Variants in CFAP44 observed in about 807,000 individuals in gnomAD.
The protein encoded by CFAP44 is cilia- and flagella-associated protein 44.
In CFAP44, 134 loss-of-function variants were observed where a neutral mutation model predicts 216.2. The observed-to-expected ratio is 0.62, with a 90% CI of 0.54 to 0.72. The LOEUF (loss-of-function observed/expected upper bound fraction) is 0.72. CFAP44 is among the 30% of genes least tolerant of loss of function. CFAP44 has a pLI of 0.00. For missense variants in CFAP44, 2,035 were observed against 2,182.1 expected (o/e 0.93, Z 1.34); for synonymous variants, 700 against 727.6 (o/e 0.96, Z 0.61).
Position 113,287,296 on chromosome 3 carries a change from C to T in CFAP44, c.*4261G>A, listed in dbSNP as rs192037425. ...ACACAGATGGCTGGATCCGGTGCTA[C>T]GGGAAACATTTTCCTAAGATGCCCA... On this transcript the variant is annotated 3_prime_UTR_variant, in exon 35 of 35. Transcript: ENST00000393845. 10 of 300,624 alleles carry T rather than the reference C, an allele frequency of 3.3e-5. No homozygotes were observed. In the East Asian group the frequency reaches 4.3e-4, roughly 13 times the overall value. The allele number at this position is 300,624 out of a possible 1,614,324, so 18.6% of individuals were successfully genotyped here.
intron 1 of CFAP44, among the ~76,000 whole-genome samples, chr3:113,437,469 C>A (rs905677283): frequency 6.6e-6 from 1 of 152,156 alleles, no homozygotes; most frequent in Non-Finnish European, 1.5e-5. Context: ...ACGAAAGCAC[C>A]ACACTTTATT....
At chr3:113,308,335 AG>A in intron 28 of CFAP44, 67 bp from the exon 29 acceptor site, 1 of 1,258,500 alleles carries the variant, frequency 7.9e-7, no homozygotes, top group Non-Finnish European at 1.1e-6. Flanking sequence ...AGATTTTTAA[AG>A]TAAACTATTT....
At position 113,291,450 on chromosome 3, in the gene CFAP44, TCAGGCGA is replaced by T; in HGVS notation, c.*100_*106del. 1 of 1,309,908 alleles carries T rather than the reference TCAGGCGA, an allele frequency of 7.6e-7. No individual in the cohort carries two copies. Among genetic ancestry groups the T allele is most frequent in the Non-Finnish European group, 1.0e-6 (1 of 973,006 alleles). The allele number at this position is 1,309,908 out of a possible 1,614,324, so 81.1% of individuals were successfully genotyped here. On this transcript the variant is annotated 3_prime_UTR_variant, in exon 35 of 35. Transcript: ENST00000393845. Reference sequence around the variant, plus strand: ...CGTGACTGGATCTGGTTTTACACTTTCAGGCGAGTTCAGTTTAAAGTAATAAGATTGT... The same window carrying T: ...CGTGACTGGATCTGGTTTTACACTTTGTTCAGTTTAAAGTAATAAGATTGT...
At chr3:113,427,081 G>A in intron 3 of CFAP44, 106 bp downstream of exon 3, 1 of 1,222,976 alleles carries the variant, frequency 8.2e-7, no homozygotes, top group South Asian at 1.3e-5. Context: ...CCACACATAT[G>A]TACATCCTGC....
Position 113,412,716 on chromosome 3 carries a change from T to C in CFAP44, c.674-3394A>G, listed in dbSNP as rs1049483574. Among the ~76,000 whole-genome samples, 5 of 152,338 alleles carry C rather than the reference T, an allele frequency of 3.3e-5. No individual in the cohort carries two copies. In the East Asian group the frequency reaches 5.8e-4, roughly 18 times the overall value. ...GAGGACATGATCTCATTCCTTTTTA[T>C]GGCTACATAGTATTCCATGATGTAT... On this transcript the variant is annotated intron_variant, in intron 6 of 34. Transcript: ENST00000393845.
chr3:113,361,155 T>C (rs939185404), intron 21 of CFAP44: 1 of 182,434 alleles, frequency 5.5e-6, no homozygotes, highest in Non-Finnish European at 1.2e-5. Flanking sequence ...AGTTAGCAGG[T>C]GTATGCTATT....
intron 22 of CFAP44, among the ~76,000 whole-genome samples, chr3:113,356,407 A>AT (rs1950492854): frequency 6.6e-6 from 1 of 152,158 alleles, no homozygotes; most frequent in South Asian, 2.1e-4. Context: ...AACCTAACCA[A>AT]TCTTGGAGAT....
chr3:113,349,569 C>T (rs546777014), intron 22 of CFAP44, among the ~76,000 whole-genome samples: 186 of 152,266 alleles, frequency 1.2e-3, no homozygotes, highest in Admixed American at 2.2e-3. Context: ...AAAGATTGTC[C>T]AATGAGAAAC....
intron 24 of CFAP44, 78 bp from the exon 25 acceptor site, chr3:113,333,661 T>C (rs1478540353): frequency 2.3e-6 from 3 of 1,332,554 alleles, no homozygotes; most frequent in East Asian, 5.4e-5. Context: ...TATAGGCATA[T>C]ATTCAAATTT....
chr3:113,360,617 A>T (rs1950529964), intron 21 of CFAP44: 1 of 157,362 alleles, frequency 6.4e-6, no homozygotes, highest in Non-Finnish European at 1.4e-5. Context: ...ATATGTTCCA[A>T]GTCTATGGAA....
chr3:113,350,355 T>TGA (rs1950431977), intron 22 of CFAP44, among the ~76,000 whole-genome samples: 1 of 113,854 alleles, frequency 8.8e-6, no homozygotes, highest in South Asian at 2.8e-4. Flanking sequence ...AAAGAGAGAG[T>TGA]CAGAGAGAGA....
intron 22 of CFAP44, among the ~76,000 whole-genome samples, chr3:113,355,006 C>A (rs1257401353): frequency 6.6e-6 from 1 of 152,162 alleles, no homozygotes; most frequent in East Asian, 1.9e-4. Context: ...GATCACATCA[C>A]AAGACTCTTT....
At chr3:113,404,184 C>A in intron 8 of CFAP44, 168 bp from the exon 9 acceptor site, 1 of 702,994 alleles carries the variant, frequency 1.4e-6, no homozygotes. Context: ...ACCCCAGACA[C>A]AACTACCAAT....
intron 32 of CFAP44, among the ~76,000 whole-genome samples, chr3:113,301,246 G>C (rs1257518319): frequency 6.6e-6 from 1 of 152,030 alleles, no homozygotes; most frequent in Non-Finnish European, 1.5e-5. Context: ...GGCTACATAT[G>C]ATGTAATATT....
At chr3:113,407,632 G>T (rs1444682017) in intron 7 of CFAP44, among the ~76,000 whole-genome samples, 1 of 152,128 alleles carries the variant, frequency 6.6e-6, no homozygotes, top group East Asian at 1.9e-4. Context: ...TCATAGAATT[G>T]TTGAAAAATT....
At chr3:113,374,790 C>T (rs1258357346) in intron 17 of CFAP44, among the ~76,000 whole-genome samples, 1 of 152,096 alleles carries the variant, frequency 6.6e-6, no homozygotes, top group Non-Finnish European at 1.5e-5. Context: ...TTGAGCCACT[C>T]CGTCCACCTA....
chr3:113,438,712 C>A (rs1935290590), intron 1 of CFAP44, among the ~76,000 whole-genome samples: 2 of 152,288 alleles, frequency 1.3e-5, no homozygotes, highest in South Asian at 4.1e-4. Flanking sequence ...TGCCTCCCTG[C>A]AACTTGGATC....
chr3:113,356,577 A>T (rs1338458561), intron 22 of CFAP44, among the ~76,000 whole-genome samples: 8 of 152,216 alleles, frequency 5.3e-5, no homozygotes, highest in Non-Finnish European at 1.0e-4. Flanking sequence ...CAAAAGCATC[A>T]CTACAATCTA....
chr3:113,438,541 T>C (rs771340076), intron 1 of CFAP44, among the ~76,000 whole-genome samples: 11 of 152,236 alleles, frequency 7.2e-5, no homozygotes, highest in Admixed American at 5.2e-4. Flanking sequence ...GCAGTCAATA[T>C]GTAAAATGGT....
Sources: allele counts gnomAD v4.1 joint callset (sites outside exome capture counted in the v4.1 genomes callset), GRCh38; gene constraint gnomAD v4.1.1; transcripts MANE v1.5; gene names NCBI Gene and HGNC (gene_info 2026-07-23, HGNC 2026-07-21).